The following EFCAB7 variants were observed in gnomAD, a reference collection of about 807,000 sequenced individuals.
EFCAB7 encodes EF-hand calcium binding domain 7, also known as EF-hand calcium-binding domain-containing protein 7.
In EFCAB7, 66 loss-of-function variants were observed where a neutral mutation model predicts 77.1. The ratio of observed to expected loss-of-function variants is 0.86; its 90% CI spans 0.70 to 1.05. EFCAB7 has a LOEUF of 1.05. EFCAB7 is among the 50% of genes least tolerant of loss of function. The pLI is 0.00. For synonymous variants in EFCAB7, 225 were observed against 243.3 expected (o/e 0.92, Z 0.70); for missense variants, 638 against 730.5 (o/e 0.87, Z 1.46).
chr1:63,547,573 C>G (rs1272947387), intron 7 of EFCAB7: 1 of 152,170 alleles, frequency 6.6e-6, no homozygotes, highest in African/African-American at 2.4e-5. Context: ...GAGTTACCAA[C>G]TGCTACATAA....
chr1:63,556,226 A>T (rs1647028916), intron 9 of EFCAB7, among the ~76,000 whole-genome samples: 1 of 152,180 alleles, frequency 6.6e-6, no homozygotes, highest in Non-Finnish European at 1.5e-5. Context: ...TGTATCCTTG[A>T]AAATTGCTAA....
chr1:63,568,672 ACT>A, intron 12 of EFCAB7, 153 bp downstream of exon 12: 1 of 540,638 alleles, frequency 1.8e-6, no homozygotes, highest in Non-Finnish European at 3.0e-6. Context: ...CAGGTTTCTA[ACT>A]CAAACTGGGA....
chr1:63,569,557 T>C (rs2100929741), intron 12 of EFCAB7: 2 of 152,254 alleles, frequency 1.3e-5, no homozygotes, highest in South Asian at 4.1e-4. Context: ...GATTTAGATA[T>C]GCAGACAGAC....
At chr1:63,575,750 G>A (rs1018801002), downstream of EFCAB7, among the ~76,000 whole-genome samples, 2 of 149,050 alleles carry the variant, frequency 1.3e-5, no homozygotes, top group African/African-American at 5.2e-5. Flanking sequence ...CACCCAGCTC[G>A]TTTTCATATT....
chr1:63,563,836 A>G (rs1021431325), intron 11 of EFCAB7, among the ~76,000 whole-genome samples: 10 of 152,182 alleles, frequency 6.6e-5, no homozygotes, highest in Non-Finnish European at 1.2e-4. Flanking sequence ...GTATCAGCCT[A>G]TGAAGATCCT....
At chr1:63,544,448 T>C (rs1160697452) in intron 6 of EFCAB7, among the ~76,000 whole-genome samples, 1 of 152,186 alleles carries the variant, frequency 6.6e-6, no homozygotes, top group Non-Finnish European at 1.5e-5. Flanking sequence ...AGTCTCACTC[T>C]GTCACCCAGG....
At chr1:63,540,231 G>A (rs1197627907) in intron 6 of EFCAB7, among the ~76,000 whole-genome samples, 1 of 151,838 alleles carries the variant, frequency 6.6e-6, no homozygotes, top group Non-Finnish European at 1.5e-5. Flanking sequence ...GGGTGTGGTG[G>A]CAGGCCCCTG....
At chr1:63,557,842 C>T (rs946896843) in intron 10 of EFCAB7, among the ~76,000 whole-genome samples, 1 of 151,958 alleles carries the variant, frequency 6.6e-6, no homozygotes, top group Non-Finnish European at 1.5e-5. Context: ...ACCCCAAGGT[C>T]GAGGGAAAAC....
intron 4 of EFCAB7, 79 bp downstream of exon 4, chr1:63,532,835 A>G: frequency 9.0e-7 from 1 of 1,110,842 alleles, no homozygotes; most frequent in Non-Finnish European, 1.3e-6. Context: ...TTATTAAGGT[A>G]TAATTGACAT....
intron 8 of EFCAB7, among the ~76,000 whole-genome samples, chr1:63,554,638 C>A (rs1447190967): frequency 3.9e-5 from 6 of 152,362 alleles, no homozygotes; most frequent in African/African-American, 1.4e-4. Flanking sequence ...CCATGCCCAG[C>A]CTGCTTTCTT....
chr1:63,557,977 A>AG (rs1489706426), intron 10 of EFCAB7, among the ~76,000 whole-genome samples: 1 of 152,222 alleles, frequency 6.6e-6, no homozygotes, highest in East Asian at 1.9e-4. Flanking sequence ...AAAATGGTCT[A>AG]AGCTTGGCAA....
intron 7 of EFCAB7, chr1:63,549,132 G>A (rs915961211): frequency 1.4e-5 from 4 of 280,706 alleles, no homozygotes; most frequent in Non-Finnish European, 2.9e-5. Context: ...TGGCGCAGTC[G>A]GTTTTGACCT....
At chr1:63,570,832 T>C (rs1647235672) in intron 12 of EFCAB7, 189 bp from the exon 13 acceptor site, 2 of 415,684 alleles carry the variant, frequency 4.8e-6, no homozygotes, top group African/African-American at 4.1e-5. Context: ...AAAGTTTATA[T>C]AAATGGTGAC....
At chr1:63,527,431 T>C (rs1388562026) in intron 2 of EFCAB7, among the ~76,000 whole-genome samples, 2 of 63,594 alleles carry the variant, frequency 3.1e-5, no homozygotes, top group East Asian at 1.3e-3. Context: ...TCTATATCCT[T>C]CTGCCACTTA....
chr1:63,554,484 C>T (rs781611378), intron 8 of EFCAB7, among the ~76,000 whole-genome samples: 6 of 152,106 alleles, frequency 3.9e-5, no homozygotes, highest in East Asian at 1.9e-4. Context: ...GGATTATAGG[C>T]GCCCGCCACC....
At chr1:63,554,113 G>A (rs185810193) in intron 8 of EFCAB7, among the ~76,000 whole-genome samples, 24 of 151,952 alleles carry the variant, frequency 1.6e-4, no homozygotes, top group Admixed American at 6.5e-5. Context: ...ATGAGCCACC[G>A]TGTCTGGCCT....
intron 9 of EFCAB7, among the ~76,000 whole-genome samples, chr1:63,556,211 T>C (rs1431203504): frequency 6.6e-6 from 1 of 152,148 alleles, no homozygotes; most frequent in African/African-American, 2.4e-5. Flanking sequence ...ATTATAGTTA[T>C]ATATTGTATC....
At chr1:63,557,320 G>T (rs1647044291) in intron 10 of EFCAB7, 73 bp downstream of exon 10, 2 of 1,360,148 alleles carry the variant, frequency 1.5e-6, no homozygotes, top group South Asian at 1.4e-5. Context: ...TAAGAAATGA[G>T]AAGTCAAACT....
chr1:63,545,863 T>C lies in EFCAB7; in HGVS notation c.805-53T>C. The C allele has an allele frequency of 4.1e-6, 6 of 1,473,678 alleles. No homozygotes were observed. In the South Asian group the frequency reaches 6.9e-5, roughly 17 times the overall value. 91.3% of individuals were successfully genotyped at this position (1,473,678 alleles called of 1,614,324 possible). On this transcript the variant is annotated intron_variant, in intron 6 of 13. Coordinates refer to ENST00000371088, the MANE Select transcript of EFCAB7 (RefSeq NM_032437.4). ...TGTGTTTTCTCCTCATTACTATGCA[T>C]ACTGGAAACATTTAATAAATATTGT...
Sources: gnomAD v4.1 joint callset for allele counts (sites outside exome capture counted in the v4.1 genomes callset) on GRCh38, gnomAD v4.1.1 for gene constraint, MANE v1.5 for transcripts, NCBI Gene and HGNC (gene_info 2026-07-23, HGNC 2026-07-21) for gene names.